The following MDGA2 variants were observed in gnomAD, a reference collection of about 807,000 sequenced individuals.
MDGA2 encodes the protein MAM domain containing glycosylphosphatidylinositol anchor 2, also known as MAM domain-containing glycosylphosphatidylinositol anchor protein 2.
In MDGA2, 40 loss-of-function variants were observed where a neutral mutation model predicts 117.8. That is an observed-to-expected ratio of 0.34 (90% CI 0.26 to 0.44). MDGA2 has a LOEUF of 0.44. Ranked by LOEUF, MDGA2 falls within the 20% of genes least tolerant of loss-of-function variation. The pLI is 1.00. For synonymous variants in MDGA2, 452 were observed against 439.0 expected, an observed-to-expected ratio of 1.03 and a Z score of -0.37; for missense variants, 1,123 against 1,250.6, an observed-to-expected ratio of 0.90 and a Z score of 1.54.
intron 1 of MDGA2, among the ~76,000 whole-genome samples, chr14:47,455,754 TAGG>T (rs998355694): frequency 2.3e-5 from 3 of 130,548 alleles, no homozygotes; most frequent in Non-Finnish European, 4.7e-5. Context: ...CCCAGCACTT[TAGG>T]AGGCCTAGGT....
At chr14:47,510,403 C>T (rs114218496) in intron 1 of MDGA2, among the ~76,000 whole-genome samples, 2,129 of 152,256 alleles carry the variant, frequency 0.014, 40 homozygotes, top group African/African-American at 0.048. Flanking sequence ...AAAGAGAGTT[C>T]TCCTTGTTTA....
At chr14:47,479,834 T>A (rs947721751) in intron 1 of MDGA2, among the ~76,000 whole-genome samples, 1 of 152,116 alleles carries the variant, frequency 6.6e-6, no homozygotes, top group Non-Finnish European at 1.5e-5. Flanking sequence ...CCTTCCCAGC[T>A]AACCACACAA....
intron 1 of MDGA2, among the ~76,000 whole-genome samples, chr14:47,375,890 T>C (rs894352970): frequency 6.6e-6 from 1 of 152,116 alleles, no homozygotes; most frequent in Non-Finnish European, 1.5e-5. Flanking sequence ...CAAAAGAACC[T>C]GGCCCACAGT....
At chr14:47,633,231 C>G (rs1224499410) in intron 1 of MDGA2, among the ~76,000 whole-genome samples, 1 of 151,966 alleles carries the variant, frequency 6.6e-6, no homozygotes, top group Non-Finnish European at 1.5e-5. Context: ...TATATTGAAG[C>G]TCTTAAGGGT....
intron 8 of MDGA2, among the ~76,000 whole-genome samples, chr14:47,034,729 T>TAC (rs59191576): frequency 2.5e-3 from 373 of 147,150 alleles, no homozygotes; most frequent in Middle Eastern, 6.9e-3. Context: ...ATAATTATCA[T>TAC]ACACACACAC....
chr14:46,872,372 C>T (rs1207693306), intron 14 of MDGA2, among the ~76,000 whole-genome samples: 2 of 151,920 alleles, frequency 1.3e-5, no homozygotes. Flanking sequence ...CTGTGCTAAT[C>T]TCTGCGTATT....
intron 10 of MDGA2, among the ~76,000 whole-genome samples, chr14:46,895,649 C>T (rs1883045723): frequency 6.6e-6 from 1 of 151,968 alleles, no homozygotes; most frequent in African/African-American, 2.4e-5. Flanking sequence ...TTAGCTTGAA[C>T]CTGGGAGGTG....
At chr14:47,536,425 A>T (rs900388928) in intron 1 of MDGA2, among the ~76,000 whole-genome samples, 2 of 152,212 alleles carry the variant, frequency 1.3e-5, no homozygotes, top group Admixed American at 6.5e-5. Flanking sequence ...TGTTCTGTCT[A>T]TTCTGAAGTA....
chr14:46,856,872 A>AT (rs1881288139), intron 14 of MDGA2, among the ~76,000 whole-genome samples: 1 of 152,072 alleles, frequency 6.6e-6, no homozygotes, highest in African/African-American at 2.4e-5. Flanking sequence ...GTTAGTGATT[A>AT]TTTTAGAGTT....
chr14:47,423,332 A>G (rs1892618558), intron 1 of MDGA2, among the ~76,000 whole-genome samples: 1 of 152,200 alleles, frequency 6.6e-6, no homozygotes. Flanking sequence ...CTAAGTAACT[A>G]TACCCAATAC....
chr14:47,446,910 A>G (rs770693640), intron 1 of MDGA2, among the ~76,000 whole-genome samples: 23 of 152,300 alleles, frequency 1.5e-4, no homozygotes, highest in Non-Finnish European at 3.1e-4. Context: ...AGTGTGGCAC[A>G]ACAGAATTCT....
At chr14:47,034,325 A>C (rs879615312) in intron 8 of MDGA2, among the ~76,000 whole-genome samples, 3 of 152,210 alleles carry the variant, frequency 2.0e-5, no homozygotes, top group Non-Finnish European at 4.4e-5. Flanking sequence ...AATTAGAACT[A>C]TAACCGTGAT....
At chr14:46,916,730 A>G (rs1303876094) in intron 10 of MDGA2, among the ~76,000 whole-genome samples, 3 of 152,162 alleles carry the variant, frequency 2.0e-5, no homozygotes, top group Non-Finnish European at 4.4e-5. Flanking sequence ...CATTGGCAGA[A>G]CAGCACAAAG....
intron 3 of MDGA2, among the ~76,000 whole-genome samples, chr14:47,157,799 T>C (rs1883459141): frequency 6.6e-6 from 1 of 152,070 alleles, no homozygotes; most frequent in African/African-American, 2.4e-5. Flanking sequence ...CAAGATCTTG[T>C]GGTTTTATAA....
At chr14:47,604,487 A>ACCCCCCCC (rs60602833) in intron 1 of MDGA2, among the ~76,000 whole-genome samples, 1 of 92,052 alleles carries the variant, frequency 1.1e-5, no homozygotes, top group Non-Finnish European at 2.2e-5. Flanking sequence ...CAGCTTCCCC[A>ACCCCCCCC]CCCCCCCCCA....
intron 1 of MDGA2, among the ~76,000 whole-genome samples, chr14:47,312,400 C>T (rs1175433587): frequency 6.6e-6 from 1 of 152,106 alleles, no homozygotes; most frequent in Non-Finnish European, 1.5e-5. Flanking sequence ...TAGAGCAAGA[C>T]CCTACTTTCA....
intron 1 of MDGA2, among the ~76,000 whole-genome samples, chr14:47,573,114 C>T (rs528198907): frequency 1.3e-5 from 2 of 152,122 alleles, no homozygotes; most frequent in African/African-American, 4.8e-5. Context: ...TAATTTAATG[C>T]GTAATCCCAT....
intron 2 of MDGA2, among the ~76,000 whole-genome samples, chr14:47,238,052 T>C (rs1490717779): frequency 3.9e-5 from 6 of 152,168 alleles, no homozygotes; most frequent in East Asian, 1.9e-4. Flanking sequence ...CCTACCTTCC[T>C]GAAAGACACC....
intron 8 of MDGA2, among the ~76,000 whole-genome samples, chr14:46,980,299 T>C (rs147011449): frequency 1.1e-3 from 172 of 152,266 alleles, no homozygotes; most frequent in Non-Finnish European, 1.7e-3. Flanking sequence ...GCAAGATAAC[T>C]AAAATTAGAA....
Sources: gnomAD v4.1 joint callset for allele counts (sites outside exome capture counted in the v4.1 genomes callset) on GRCh38, gnomAD v4.1.1 for gene constraint, MANE v1.5 for transcripts, NCBI Gene and HGNC (gene_info 2026-07-23, HGNC 2026-07-21) for gene names.